Variants in ZNF536 observed in about 807,000 individuals in gnomAD.
The protein encoded by ZNF536 is zinc finger protein 536.
A neutral mutation model predicts 84.5 loss-of-function variants in ZNF536; 13 were observed. The observed-to-expected ratio is 0.15, with a 90% CI of 0.10 to 0.24. The LOEUF (loss-of-function observed/expected upper bound fraction) is 0.24, where lower values mean the gene tolerates loss of function less well. ZNF536 is among the 10% of genes least tolerant of loss of function. The pLI is 1.00. For synonymous variants in ZNF536, 811 were observed against 742.5 expected (o/e 1.09, Z -1.50); for missense variants, 1,536 against 1,747.5 (o/e 0.88, Z 2.16).
intron 2 of ZNF536, among the ~76,000 whole-genome samples, chr19:30,458,108 C>T (rs912600851): frequency 6.6e-6 from 1 of 152,138 alleles, no homozygotes; most frequent in Non-Finnish European, 1.5e-5. Flanking sequence ...AGGCTGAGGG[C>T]GGAACGTCCC....
At position 30,436,296 on chromosome 19, in the gene ZNF536, C is replaced by A. The variant is rs541735096; in HGVS notation, c.-2-7265C>A. The stretch of plus-strand genomic sequence containing the variant: ...GCAAGGATTTAACTATTTCTGGCCC[C>A]ATCTCATGGCACTGTCTACACATCA... On this transcript the variant is annotated intron_variant, in intron 1 of 4. Transcript: ENST00000355537. Among the ~76,000 whole-genome samples, 3 of 152,340 alleles carry A rather than the reference C, an allele frequency of 2.0e-5. No homozygotes were observed. The South Asian group carries it at 6.2e-4, about 32-fold the overall frequency.
chr19:30,415,032 TTCC>T (rs1199756913), intron 1 of ZNF536, among the ~76,000 whole-genome samples: 4 of 151,948 alleles, frequency 2.6e-5, no homozygotes, highest in Admixed American at 6.5e-5. Flanking sequence ...TCTTCTTCTT[TTCC>T]TCCTCCTCCT....
At chr19:30,354,900 T>C (rs1286877923) in intron 3 of ZNF536, among the ~76,000 whole-genome samples, 1 of 152,162 alleles carries the variant, frequency 6.6e-6, no homozygotes, top group East Asian at 1.9e-4. Flanking sequence ...TGGTTAAGAA[T>C]GGGTTGGAAG....
At chr19:30,625,900 G>C (rs2048657721) in intron 1 of ZNF536, among the ~76,000 whole-genome samples, 2 of 151,972 alleles carry the variant, frequency 1.3e-5, no homozygotes, top group African/African-American at 2.4e-5. Flanking sequence ...GGACATCCTT[G>C]ATTAAAAAAA....
intron 1 of ZNF536, among the ~76,000 whole-genome samples, chr19:30,684,121 A>C (rs1941650058): frequency 6.6e-6 from 1 of 151,638 alleles, no homozygotes; most frequent in South Asian, 2.1e-4. Context: ...TCACATGTAC[A>C]CACACACACA....
chr19:30,545,094 T>C (rs1168397214), intron 3 of ZNF536, among the ~76,000 whole-genome samples: 1 of 152,170 alleles, frequency 6.6e-6, no homozygotes, highest in Non-Finnish European at 1.5e-5. Context: ...TCCCGAAAGA[T>C]CCCGAAACCA....
chr19:30,570,062 C>A (rs891059362), intron 1 of ZNF536, among the ~76,000 whole-genome samples: 1 of 152,152 alleles, frequency 6.6e-6, no homozygotes, highest in Non-Finnish European at 1.5e-5. Flanking sequence ...CACAGGACAG[C>A]CCCTACCACA....
chr19:30,284,868 T>C (rs1052449807), intron 2 of ZNF536, among the ~76,000 whole-genome samples: 3 of 140,890 alleles, frequency 2.1e-5, no homozygotes, highest in Non-Finnish European at 4.5e-5. Flanking sequence ...GTACTGAATA[T>C]ATATTTTTTT....
At chr19:30,329,579 TA>T (rs1290150546) in intron 2 of ZNF536, among the ~76,000 whole-genome samples, 2 of 152,160 alleles carry the variant, frequency 1.3e-5, no homozygotes, top group Non-Finnish European at 2.9e-5. Context: ...AGAGAACATC[TA>T]AATTATGTTT....
intron 4 of ZNF536, chr19:30,555,287 C>T (rs930559184): frequency 1.3e-5 from 2 of 152,170 alleles, no homozygotes; most frequent in African/African-American, 4.8e-5. Context: ...TGCATGACGT[C>T]GTGGAGCTCA....
chr19:30,297,510 G>A (rs555871577), intron 2 of ZNF536, among the ~76,000 whole-genome samples: 12 of 152,284 alleles, frequency 7.9e-5, no homozygotes, highest in Middle Eastern at 3.4e-3. Flanking sequence ...TGAAAGAAGG[G>A]AGATGAATTT....
intron 1 of ZNF536, among the ~76,000 whole-genome samples, chr19:30,386,829 A>G (rs2049362034): frequency 6.6e-6 from 1 of 152,198 alleles, no homozygotes; most frequent in South Asian, 2.1e-4. Context: ...GGTGAAAGAC[A>G]CTTGGAAATT....
intron 1 of ZNF536, among the ~76,000 whole-genome samples, chr19:30,567,678 C>A (rs59651813): frequency 1.3e-5 from 2 of 152,106 alleles, no homozygotes; most frequent in African/African-American, 2.4e-5. Context: ...TGCCCCCAAC[C>A]GCGACAGCAG....
At chr19:30,286,545 AGAAAGAGAGAGACC>A (rs1352040358) in intron 2 of ZNF536, among the ~76,000 whole-genome samples, 2 of 100,544 alleles carry the variant, frequency 2.0e-5, no homozygotes, top group Admixed American at 3.0e-4. Context: ...AGAGAGAGAG[AGAAAGAGAGAGACC>A]GAGAGAGACA....
intron 1 of ZNF536, among the ~76,000 whole-genome samples, chr19:30,277,579 G>A (rs532392034): frequency 7.9e-5 from 12 of 152,346 alleles, no homozygotes; most frequent in South Asian, 4.1e-4. Flanking sequence ...CAGCCGTGTC[G>A]TATGATGCTG....
intron 2 of ZNF536, among the ~76,000 whole-genome samples, chr19:30,464,893 G>A (rs1014175674): frequency 6.6e-6 from 1 of 152,104 alleles, no homozygotes; most frequent in Admixed American, 6.5e-5. Context: ...TTTGATGGCT[G>A]TGGCTCTTCG....
At chr19:30,666,820 A>ATGTG (rs998187633) in intron 1 of ZNF536, among the ~76,000 whole-genome samples, 29 of 145,318 alleles carry the variant, frequency 2.0e-4, no homozygotes, top group African/African-American at 6.2e-4. Context: ...ATGTGTATAT[A>ATGTG]TGTGTGTGTG....
At chr19:30,595,997 C>T (rs55651616) in intron 1 of ZNF536, among the ~76,000 whole-genome samples, 31,445 of 152,074 alleles carry the variant, frequency 0.21, 3,375 homozygotes, top group East Asian at 0.28. Flanking sequence ...CCATGGACCC[C>T]TCACTTTAAG....
chr19:30,705,733 A>G (rs140606529), intron 1 of ZNF536, among the ~76,000 whole-genome samples: 375 of 152,342 alleles, frequency 2.5e-3, no homozygotes, highest in Admixed American at 5.6e-3. Context: ...ATCAGGATTT[A>G]TTATGATTCT....
Sources: gnomAD v4.1 joint callset for allele counts (sites outside exome capture counted in the v4.1 genomes callset) on GRCh38, gnomAD v4.1.1 for gene constraint, MANE v1.5 for transcripts, NCBI Gene and HGNC (gene_info 2026-07-23, HGNC 2026-07-21) for gene names.